Variants in POU2F1 observed in about 807,000 individuals in gnomAD.
POU2F1 encodes the protein POU domain, class 2, transcription factor 1.
POU2F1 carries 16 observed loss-of-function variants against 84.9 expected under a neutral mutation model. The observed-to-expected ratio is 0.19, with a 90% CI of 0.13 to 0.29. The LOEUF (loss-of-function observed/expected upper bound fraction) is 0.29. Among genes scored for constraint, POU2F1 ranks in the 10% least tolerant of loss-of-function variants. The pLI, the probability that POU2F1 is intolerant of heterozygous loss-of-function variation, is 1.00. For synonymous variants in POU2F1, 368 were observed against 368.3 expected, an observed-to-expected ratio of 1.00 and a Z score of 0.01; for missense variants, 738 against 942.6, an observed-to-expected ratio of 0.78 and a Z score of 2.84.
At chr1:167,311,831 C>G (rs1655502203) in intron 1 of POU2F1, among the ~76,000 whole-genome samples, 1 of 147,650 alleles carries the variant, frequency 6.8e-6, no homozygotes, top group African/African-American at 2.5e-5. Context: ...GAGACAGAGT[C>G]TTGCTCTGTC....
Position 167,243,772 on chromosome 1 carries a change from G to A in POU2F1, c.61+22814G>A, listed in dbSNP as rs115465262. ...ATTACAGGCTTGAGCCATCACACCC[G>A]GCCTAAACTCTTTTCTTGAATTAAG... On this transcript the variant is annotated intron_variant, in intron 1 of 15. Coordinates refer to ENST00000367866, the MANE Select transcript of POU2F1 (RefSeq NM_002697.4). Among the ~76,000 whole-genome samples the A allele has an allele frequency of 3.2e-3, 482 of 152,270 alleles. 2 individuals are homozygous for A. Among genetic ancestry groups the A allele is most frequent in the African/African-American group, 0.011 (452 of 41,552 alleles).
intron 1 of POU2F1, among the ~76,000 whole-genome samples, chr1:167,298,863 A>G (rs1461537503): frequency 6.6e-6 from 1 of 152,032 alleles, no homozygotes; most frequent in Admixed American, 6.6e-5. Context: ...AGTGCTGCCC[A>G]TTAGAATTAT....
intron 7 of POU2F1, 81 bp from the exon 8 acceptor site, chr1:167,383,776 C>G: frequency 7.8e-7 from 1 of 1,283,194 alleles, no homozygotes; most frequent in Non-Finnish European, 1.1e-6. Flanking sequence ...ATTTTCAGCT[C>G]ATTTTCTGAT....
intron 1 of POU2F1, among the ~76,000 whole-genome samples, chr1:167,313,942 TA>T (rs1655680699): frequency 6.6e-6 from 1 of 152,198 alleles, no homozygotes; most frequent in African/African-American, 2.4e-5. Flanking sequence ...AGAACACCTG[TA>T]ATCCCAGAAC....
chr1:167,309,382 C>G (rs1318868309), intron 1 of POU2F1, among the ~76,000 whole-genome samples: 3 of 152,036 alleles, frequency 2.0e-5, no homozygotes, highest in African/African-American at 4.8e-5. Context: ...GTTTTTTTCT[C>G]TGTTTAAGGT....
chr1:167,256,238 G>C (rs1472159622), intron 1 of POU2F1, among the ~76,000 whole-genome samples: 1 of 152,218 alleles, frequency 6.6e-6, no homozygotes, highest in Non-Finnish European at 1.5e-5. Context: ...GGCAAGCTGA[G>C]TGTGTTGGGG....
chr1:167,244,009 A>C (rs1165876365), intron 1 of POU2F1, among the ~76,000 whole-genome samples: 1 of 152,160 alleles, frequency 6.6e-6, no homozygotes, highest in Non-Finnish European at 1.5e-5. Context: ...CCATACTCTG[A>C]ATCATATTGC....
intron 1 of POU2F1, among the ~76,000 whole-genome samples, chr1:167,274,713 A>G (rs1178178546): frequency 6.6e-6 from 1 of 152,118 alleles, no homozygotes; most frequent in Non-Finnish European, 1.5e-5. Flanking sequence ...AAGGGTTGGG[A>G]GTTAAAATAG....
intron 2 of POU2F1, among the ~76,000 whole-genome samples, chr1:167,363,560 C>T (rs186364999): frequency 5.5e-4 from 84 of 152,230 alleles, no homozygotes; most frequent in African/African-American, 2.0e-3. Context: ...ACTTACTTGA[C>T]TAGAATGTCT....
At chr1:167,291,861 A>C (rs762347410) in intron 1 of POU2F1, among the ~76,000 whole-genome samples, 14 of 152,176 alleles carry the variant, frequency 9.2e-5, no homozygotes, top group Non-Finnish European at 1.8e-4. Context: ...AGGCAGGGAA[A>C]TATTATTAGA....
intron 2 of POU2F1, among the ~76,000 whole-genome samples, chr1:167,348,935 C>T (rs1412812537): frequency 6.6e-6 from 1 of 151,858 alleles, no homozygotes; most frequent in African/African-American, 2.4e-5. Context: ...TTTTAGATAC[C>T]ACTTTTCATA....
intron 2 of POU2F1, among the ~76,000 whole-genome samples, chr1:167,338,830 A>G (rs114656252): frequency 0.015 from 2,345 of 152,216 alleles, 64 homozygotes; most frequent in African/African-American, 0.054. Context: ...GGGCAGCTGG[A>G]TTGTTTTTAC....
chr1:167,258,402 A>G (rs1338486867), intron 1 of POU2F1, among the ~76,000 whole-genome samples: 1 of 152,218 alleles, frequency 6.6e-6, no homozygotes, highest in African/African-American at 2.4e-5. Context: ...GTTATTATCA[A>G]ACTTGATCCT....
At chr1:167,414,408 T>C (rs1650173606) in intron 15 of POU2F1, 1 of 985,420 alleles carries the variant, frequency 1.0e-6, no homozygotes, top group South Asian at 4.7e-5. Context: ...CTCACTGTTC[T>C]GTACTATTTG....
chr1:167,312,211 C>CA (rs1205476163), intron 1 of POU2F1, among the ~76,000 whole-genome samples: 1 of 151,128 alleles, frequency 6.6e-6, no homozygotes, highest in African/African-American at 2.4e-5. Context: ...GCTGGGATTA[C>CA]AGGCGTGAGC....
chr1:167,344,874 A>G (rs1013671524), intron 2 of POU2F1, among the ~76,000 whole-genome samples: 1 of 152,176 alleles, frequency 6.6e-6, no homozygotes, highest in Non-Finnish European at 1.5e-5. Context: ...AGAACAGATG[A>G]TGCAGCCATA....
chr1:167,277,233 T>C (rs1652789677), intron 1 of POU2F1, among the ~76,000 whole-genome samples: 1 of 152,148 alleles, frequency 6.6e-6, no homozygotes, highest in African/African-American at 2.4e-5. Flanking sequence ...TTTTTTGTTT[T>C]GTTTTGTTTT....
At position 167,426,404 on chromosome 1, in the gene POU2F1, G is replaced by A. The variant is rs1650950984; in HGVS notation, c.*10594G>A. ...TTAACATAACAGTTTTCACTGCCTA[G>A]GTGTTCATAATAAAAAAGAAAATGA... is the stretch of plus-strand genomic sequence containing the variant. On this transcript the variant is annotated 3_prime_UTR_variant, in exon 16 of 16. Coordinates refer to ENST00000367866, the MANE Select transcript of POU2F1 (RefSeq NM_002697.4). 6.6e-6 allele frequency: 1 copy of A among 152,054 alleles called. No homozygotes were observed. The highest frequency in any genetic ancestry group is 2.4e-5 in the African/African-American group (1 of 41,368). The allele number at this position is 152,054 out of a possible 1,614,324, so 9.4% of individuals were successfully genotyped here.
intron 1 of POU2F1, among the ~76,000 whole-genome samples, chr1:167,253,851 A>C (rs1369583132): frequency 6.6e-6 from 1 of 152,086 alleles, no homozygotes; most frequent in Non-Finnish European, 1.5e-5. Context: ...GGCTGAGGGA[A>C]AGTTTTTATG....
Sources: allele counts gnomAD v4.1 joint callset (sites outside exome capture counted in the v4.1 genomes callset), GRCh38; gene constraint gnomAD v4.1.1; transcripts MANE v1.5; gene names NCBI Gene and HGNC (gene_info 2026-07-23, HGNC 2026-07-21).